The following ITGB2 variants were observed in gnomAD, a reference collection of about 807,000 sequenced individuals.
ITGB2 encodes integrin subunit beta 2, also known as integrin beta-2.
A neutral mutation model predicts 86.8 loss-of-function variants in ITGB2; 56 were observed. That is an observed-to-expected ratio of 0.65 (90% CI 0.52 to 0.81). The LOEUF (loss-of-function observed/expected upper bound fraction) is 0.81. Among genes scored for constraint, ITGB2 ranks in the 30% least tolerant of loss-of-function variants. ITGB2 has a pLI of 0.00. For missense variants in ITGB2, 948 were observed against 1,061.2 expected, an observed-to-expected ratio of 0.89 and a Z score of 1.48; for synonymous variants, 457 against 450.4, an observed-to-expected ratio of 1.01 and a Z score of -0.19.
chr21:44,908,421 T>C (rs2084078046), intron 3 of ITGB2, among the ~76,000 whole-genome samples: 1 of 151,360 alleles, frequency 6.6e-6, no homozygotes, highest in South Asian at 2.1e-4. Flanking sequence ...ATTATTATTA[T>C]TAACCCCTGA....
Position 44,911,031 on chromosome 21 carries a change from C to T in ITGB2, c.-3-246G>A, listed in dbSNP as rs959311958. 5 of 569,674 alleles carry T rather than the reference C, an allele frequency of 8.8e-6. No homozygotes were observed. The East Asian group carries it at 1.2e-4, about 13-fold the overall frequency. 35.3% of individuals were successfully genotyped at this position (569,674 alleles called of 1,614,324 possible). A position where few individuals can be genotyped will look rare whatever the true frequency, so the allele number is the denominator to read the frequency against. The stretch of plus-strand genomic sequence containing the variant: ...AGCCAGGCACCCAGGACAGCTGCAG[C>T]GGGCCCCTGCAGAGGCACACAACAC... On this transcript the variant is annotated intron_variant, in intron 1 of 15. Transcript: ENST00000652462.
upstream of ITGB2, among the ~76,000 whole-genome samples, chr21:44,921,728 C>CA (rs1177958293): frequency 6.6e-6 from 1 of 151,998 alleles, no homozygotes; most frequent in East Asian, 1.9e-4. Context: ...TTTATGTTTT[C>CA]AGTTTTTTTT....
chr21:44,908,948 C>A (rs2084086801), intron 3 of ITGB2, among the ~76,000 whole-genome samples: 1 of 152,216 alleles, frequency 6.6e-6, no homozygotes, highest in Non-Finnish European at 1.5e-5. Flanking sequence ...AGCCACAGAT[C>A]ATGCACTACT....
intron 4 of ITGB2, among the ~76,000 whole-genome samples, chr21:44,905,757 C>A (rs2146536346): frequency 6.6e-6 from 1 of 152,276 alleles, no homozygotes; most frequent in Non-Finnish European, 1.5e-5. Flanking sequence ...CTGGGCCCTG[C>A]TCCTGCAGGA....
At position 44,891,842 on chromosome 21, in the gene ITGB2, TGGCA is replaced by T; in HGVS notation, c.1375_1378del (p.Cys459MetfsTer69). ...GCCGCACTCCAAGAAGCCCTTGCCATGGCAGAGGCTGCGGTCTCTGCTCTGGTCC... is the reference window on the plus strand; with the variant it reads ...GCCGCACTCCAAGAAGCCCTTGCCATGAGGCTGCGGTCTCTGCTCTGGTCC... On this transcript the variant is annotated frameshift_variant, in exon 11 of 16. Coordinates refer to ENST00000652462, the MANE Select transcript of ITGB2 (RefSeq NM_000211.5). LOFTEE classifies it high-confidence loss of function. The T allele has an allele frequency of 6.2e-7, 1 of 1,609,978 alleles. No individual in the cohort carries two copies. The highest frequency in any genetic ancestry group is 8.5e-7 in the Non-Finnish European group (1 of 1,179,962).
At chr21:44,921,266 C>T (rs1171193141), upstream of ITGB2, 1 of 152,248 alleles carries the variant, frequency 6.6e-6, no homozygotes, top group East Asian at 1.9e-4. Flanking sequence ...ATGAAAAACC[C>T]TGGGGAGCAA....
At chr21:44,927,282 G>T (rs1458218780) in intron 1 of ITGB2, among the ~76,000 whole-genome samples, 1 of 152,162 alleles carries the variant, frequency 6.6e-6, no homozygotes, top group Non-Finnish European at 1.5e-5. Context: ...CTTCACAGAG[G>T]TGCTTGGGGA....
chr21:44,901,963 C>A (rs1021852607), intron 5 of ITGB2: 2 of 576,682 alleles, frequency 3.5e-6, no homozygotes, highest in Non-Finnish European at 6.2e-6. Context: ...CATGGATGAG[C>A]ATAAGTGTAT....
intron 12 of ITGB2, 124 bp downstream of exon 12, chr21:44,889,854 T>G: frequency 7.1e-7 from 1 of 1,413,364 alleles, no homozygotes; most frequent in Non-Finnish European, 9.8e-7. Context: ...TGGGCGAGAC[T>G]TGCACTGTCT....
upstream of ITGB2, among the ~76,000 whole-genome samples, chr21:44,924,728 C>G (rs2084349986): frequency 1.3e-5 from 2 of 152,096 alleles, no homozygotes; most frequent in Non-Finnish European, 2.9e-5. Context: ...CAAATATAGC[C>G]TAGATCACAT....
At chr21:44,902,221 G>A (rs556183363) in intron 5 of ITGB2, among the ~76,000 whole-genome samples, 2 of 152,396 alleles carry the variant, frequency 1.3e-5, no homozygotes, top group Non-Finnish European at 2.9e-5. Context: ...ATACATGTGA[G>A]TGAAGACATA....
At chr21:44,924,855 G>A (rs2084351936), upstream of ITGB2, among the ~76,000 whole-genome samples, 2 of 152,188 alleles carry the variant, frequency 1.3e-5, no homozygotes, top group South Asian at 4.1e-4. Context: ...AAAGCAAAAT[G>A]TAGAAGGAGG....
chr21:44,903,101 A>G (rs2146530947), intron 5 of ITGB2, among the ~76,000 whole-genome samples: 2 of 152,390 alleles, frequency 1.3e-5, no homozygotes, highest in South Asian at 4.1e-4. Context: ...AAACATACCA[A>G]GAAATAAATA....
intron 8 of ITGB2, among the ~76,000 whole-genome samples, chr21:44,896,901 C>T (rs1001425481): frequency 1.3e-5 from 2 of 152,238 alleles, no homozygotes; most frequent in African/African-American, 4.8e-5. Context: ...TGGAGTCTGG[C>T]TGCCATGACA....
Position 44,910,393 on chromosome 21 carries a change from G to T in ITGB2, c.59-21C>A, listed in dbSNP as rs770232900. ...GAGGACTGAGGGACGAGGCCGGCTGGTGAGTGGGTGCTCTGGGCCGCCCTG... is the reference window on the plus strand; with the variant it reads ...GAGGACTGAGGGACGAGGCCGGCTGTTGAGTGGGTGCTCTGGGCCGCCCTG... On this transcript the variant is annotated intron_variant, in intron 2 of 15. Transcript: ENST00000652462. 5.0e-6 allele frequency: 8 copies of T among 1,614,066 alleles called. 1 individual carries two copies. The South Asian group carries it at 8.8e-5, about 18-fold the overall frequency.
chr21:44,889,640 C>T, intron 12 of ITGB2, 145 bp from the exon 13 acceptor site: 1 of 874,358 alleles, frequency 1.1e-6, no homozygotes, highest in Non-Finnish European at 1.8e-6. Context: ...GGGCCACTAG[C>T]CAGGCCCTTC....
At position 44,907,114 on chromosome 21, in the gene ITGB2, G is replaced by T; in HGVS notation, c.148-19C>A. 6.4e-7 allele frequency: 1 copy of T among 1,568,946 alleles called. No individual in the cohort carries two copies. The highest frequency in any genetic ancestry group is 8.7e-7 in the Non-Finnish European group (1 of 1,152,044). ...TGAAGTTCTGGGGAGGGGGAGTCAG[G>T]GGTCAGGAGGGGGCCACACTGCGGG... On this transcript the variant is annotated intron_variant, in intron 3 of 15. Transcript: ENST00000652462.
intron 10 of ITGB2, among the ~76,000 whole-genome samples, chr21:44,892,739 A>T (rs1245068843): frequency 6.6e-6 from 1 of 150,482 alleles, no homozygotes; most frequent in Non-Finnish European, 1.5e-5. Flanking sequence ...CTAGCAAAAA[A>T]AAAAACAAAA....
chr21:44,888,940 G>GC lies in ITGB2; in HGVS notation c.1878-46dup, dbSNP rs34020918. 176 of 1,577,544 alleles carry GC rather than the reference G, an allele frequency of 1.1e-4. No individual in the cohort carries two copies. In the East Asian group the frequency reaches 2.1e-3, roughly 19 times the overall value. On this transcript the variant is annotated intron_variant, in intron 13 of 15. Transcript: ENST00000652462. ...AGCATCGGTGCCAGGGTGTGCGGGG[G>GC]CTCCGGCAACGGGGGCTCGGGCTTG...
Sources: gnomAD v4.1 joint callset for allele counts (sites outside exome capture counted in the v4.1 genomes callset) on GRCh38, gnomAD v4.1.1 for gene constraint, MANE v1.5 for transcripts, NCBI Gene and HGNC (gene_info 2026-07-23, HGNC 2026-07-21) for gene names.